CDC42BPA: variants seen among roughly 807,000 people sequenced by gnomAD.
The protein encoded by CDC42BPA is CDC42 binding protein kinase alpha.
A neutral mutation model predicts 223.5 loss-of-function variants in CDC42BPA; 80 were observed. That is an observed-to-expected ratio of 0.36 (90% CI 0.30 to 0.43). CDC42BPA has a LOEUF of 0.43. Among genes scored for constraint, CDC42BPA ranks in the 20% least tolerant of loss-of-function variants. CDC42BPA has a pLI of 1.00. For synonymous variants in CDC42BPA, 694 were observed against 718.6 expected (o/e 0.97, Z 0.55); for missense variants, 1,743 against 2,099.9 (o/e 0.83, Z 3.32).
intron 1 of CDC42BPA, among the ~76,000 whole-genome samples, chr1:227,306,627 A>C (rs559453825): frequency 6.6e-6 from 1 of 152,232 alleles, no homozygotes; most frequent in Non-Finnish European, 1.5e-5. Flanking sequence ...GAGAATCTCT[A>C]TAAGTAGAGA....
Position 227,196,217 on chromosome 1 carries a change from G to A in CDC42BPA, c.451-2283C>T, listed in dbSNP as rs568995450. On this transcript the variant is annotated intron_variant, in intron 4 of 36. Coordinates refer to ENST00000366766, the MANE Select transcript of CDC42BPA (RefSeq NM_001394014.1). ...AACAGATATAATTCTAGAAGTCTTCGTAGGAATATCAGGAAACTCTTTTAA... is the reference window on the plus strand; with the variant it reads ...AACAGATATAATTCTAGAAGTCTTCATAGGAATATCAGGAAACTCTTTTAA... 1.1e-3 allele frequency among the ~76,000 whole-genome samples: 163 copies of A among 151,720 alleles called. 1 individual carries two copies. Among genetic ancestry groups the A allele is most frequent in the African/African-American group, 3.6e-3 (150 of 41,382 alleles).
intron 5 of CDC42BPA, among the ~76,000 whole-genome samples, chr1:227,181,700 T>C (rs1450028151): frequency 2.6e-5 from 4 of 152,116 alleles, no homozygotes; most frequent in African/African-American, 9.7e-5. Context: ...CCCAAGAAAA[T>C]AGCTAGAATA....
intron 1 of CDC42BPA, among the ~76,000 whole-genome samples, chr1:227,306,507 T>C (rs192615503): frequency 3.9e-5 from 6 of 152,296 alleles, no homozygotes; most frequent in African/African-American, 1.2e-4. Context: ...CAACTTAGCA[T>C]GTATTAGTCA....
intron 14 of CDC42BPA, among the ~76,000 whole-genome samples, chr1:227,111,421 G>T (rs372349921): frequency 6.6e-6 from 1 of 152,120 alleles, no homozygotes; most frequent in Non-Finnish European, 1.5e-5. Flanking sequence ...GCTTACAAAT[G>T]TATGTATGTA....
chr1:227,062,507 A>G (rs936595271), intron 21 of CDC42BPA, among the ~76,000 whole-genome samples: 2 of 152,122 alleles, frequency 1.3e-5, no homozygotes, highest in Non-Finnish European at 2.9e-5. Flanking sequence ...TTAGACTGTC[A>G]GGGCAGGAAA....
intron 3 of CDC42BPA, 24 bp downstream of exon 3, chr1:227,213,112 T>C (rs1180078036): frequency 9.2e-7 from 1 of 1,083,148 alleles, no homozygotes; most frequent in Admixed American, 2.2e-5. Flanking sequence ...AATATTTATA[T>C]ATTCCAATAC....
At chr1:227,308,467 G>A (rs559919638) in intron 1 of CDC42BPA, among the ~76,000 whole-genome samples, 72 of 139,204 alleles carry the variant, frequency 5.2e-4, no homozygotes, top group African/African-American at 1.8e-3. Flanking sequence ...CTAAGATCAC[G>A]CCACTGCACT....
At chr1:227,169,202 T>C (rs1347751947) in intron 5 of CDC42BPA, among the ~76,000 whole-genome samples, 1 of 152,190 alleles carries the variant, frequency 6.6e-6, no homozygotes, top group Non-Finnish European at 1.5e-5. Flanking sequence ...CTGAGAATAG[T>C]TGTTAACAGC....
chr1:227,168,427 G>C (rs915854094), intron 5 of CDC42BPA, among the ~76,000 whole-genome samples: 2 of 146,878 alleles, frequency 1.4e-5, no homozygotes, highest in Middle Eastern at 3.4e-3. Flanking sequence ...TTTGCTCTCT[G>C]TCTTTGGATT....
chr1:227,118,920 C>T lies in CDC42BPA; in HGVS notation c.1647+884G>A, dbSNP rs553832792. On this transcript the variant is annotated intron_variant, in intron 12 of 36. Coordinates refer to ENST00000366766, the MANE Select transcript of CDC42BPA (RefSeq NM_001394014.1). Reference sequence around the variant, plus strand: ...ATGTACTGGTCTATTTCAATCTATTCTTTAATAGCGTTCTCTTTTAGTCCT... The same window carrying T: ...ATGTACTGGTCTATTTCAATCTATTTTTTAATAGCGTTCTCTTTTAGTCCT... Among the ~76,000 whole-genome samples, 13 of 152,148 alleles carry T rather than the reference C, an allele frequency of 8.5e-5. No individual in the cohort carries two copies. In the South Asian group the frequency reaches 2.5e-3, roughly 29 times the overall value.
At chr1:227,182,266 A>C (rs1668074528) in intron 5 of CDC42BPA, among the ~76,000 whole-genome samples, 2 of 152,194 alleles carry the variant, frequency 1.3e-5, no homozygotes, top group Admixed American at 6.5e-5. Context: ...AATAACACCC[A>C]AAAGTTTGAA....
chr1:226,997,370 G>A (rs9727468), intron 35 of CDC42BPA, among the ~76,000 whole-genome samples: 5 of 151,730 alleles, frequency 3.3e-5, no homozygotes, highest in African/African-American at 9.7e-5. Context: ...CTGGCTAGCG[G>A]CCTATTTTGT....
chr1:227,276,937 C>T (rs564738165), intron 1 of CDC42BPA, among the ~76,000 whole-genome samples: 349 of 152,136 alleles, frequency 2.3e-3, no homozygotes, highest in African/African-American at 7.9e-3. Flanking sequence ...ACAAACACTG[C>T]GGAAGGCCGC....
At chr1:227,132,612 C>T (rs1214345233) in intron 10 of CDC42BPA, among the ~76,000 whole-genome samples, 2 of 148,420 alleles carry the variant, frequency 1.3e-5, no homozygotes, top group Non-Finnish European at 3.0e-5. Flanking sequence ...ATGTGAGGAG[C>T]CCCTCTGCCT....
Position 227,220,282 on chromosome 1 carries a change from T to TTTTATA in CDC42BPA, c.271-7064_271-7063insTATAAA, listed in dbSNP as rs748787987. Among the ~76,000 whole-genome samples, 953 of 100,672 alleles carry TTTTATA rather than the reference T, an allele frequency of 9.5e-3. 2 individuals are homozygous for TTTTATA. Among genetic ancestry groups the TTTTATA allele is most frequent in the South Asian group, 0.014 (39 of 2,760 alleles). The allele number at this position is 100,672 out of a possible 152,430, so 66.0% of individuals were successfully genotyped here. A position where few individuals can be genotyped will look rare whatever the true frequency, so the allele number is the denominator to read the frequency against. The stretch of plus-strand genomic sequence containing the variant: ...GTCTCTTTAATGAAAAAAAGTCATG[T>TTTTATA]TATATATATATATATATATATATAT... On this transcript the variant is annotated intron_variant, in intron 2 of 36. Coordinates refer to ENST00000366766, the MANE Select transcript of CDC42BPA (RefSeq NM_001394014.1).
intron 2 of CDC42BPA, among the ~76,000 whole-genome samples, chr1:227,250,792 C>A (rs1351563553): frequency 6.6e-6 from 1 of 151,780 alleles, no homozygotes; most frequent in African/African-American, 2.4e-5. Flanking sequence ...TGCCTCACAA[C>A]TGTAATCCCA....
At chr1:227,091,836 T>C (rs1683129278) in intron 16 of CDC42BPA, 50 bp downstream of exon 16, 3 of 967,116 alleles carry the variant, frequency 3.1e-6, no homozygotes, top group Non-Finnish European at 4.7e-6. Flanking sequence ...CCTATCAGTG[T>C]TGAACATCTA....
intron 2 of CDC42BPA, among the ~76,000 whole-genome samples, chr1:227,235,668 CCG>C (rs1252747020): frequency 6.6e-6 from 1 of 152,166 alleles, no homozygotes; most frequent in Non-Finnish European, 1.5e-5. Context: ...CTGATTTTCA[CCG>C]CTGACAAGGC....
At chr1:227,015,779 T>TAGA (rs1367059800) in intron 34 of CDC42BPA, among the ~76,000 whole-genome samples, 2 of 152,220 alleles carry the variant, frequency 1.3e-5, no homozygotes, top group Admixed American at 1.3e-4. Flanking sequence ...AAATGTGGTA[T>TAGA]AGAACCTCTC....
Sources: allele counts gnomAD v4.1 joint callset (sites outside exome capture counted in the v4.1 genomes callset), GRCh38; gene constraint gnomAD v4.1.1; transcripts MANE v1.5; gene names NCBI Gene and HGNC (gene_info 2026-07-23, HGNC 2026-07-21).